Variants in NOXA1 observed in about 807,000 individuals in gnomAD.
NOXA1 encodes NADPH oxidase activator 1, also known as NCF2-like protein.
NOXA1 carries 56 observed loss-of-function variants against 64.8 expected under a neutral mutation model. The observed-to-expected ratio is 0.86, with a 90% CI of 0.70 to 1.08. The LOEUF is 1.08. Among genes scored for constraint, NOXA1 ranks in the 50% least tolerant of loss-of-function variants. NOXA1 has a pLI of 0.00. For synonymous variants in NOXA1, 295 were observed against 294.8 expected (o/e 1.00, Z -0.01); for missense variants, 668 against 658.5 (o/e 1.01, Z -0.16).
Position 137,434,207 on chromosome 9 carries a change from C to T in NOXA1, c.1295-17C>T, listed in dbSNP as rs142568278. The T allele has an allele frequency of 4.9e-4, 782 of 1,602,598 alleles. 4 individuals carry two copies. The African/African-American group carries it at 8.6e-3, about 18-fold the overall frequency. On this transcript the variant is annotated splice_polypyrimidine_tract_variant and intron_variant, in intron 13 of 13. Transcript: ENST00000683555. ...CGCCTGGGTAACGCCCTGCAGAGCC[C>T]GATGTCCCCCTTGCAGTGGACCAGG...
chr9:137,423,716 G>C lies in NOXA1; in HGVS notation c.177+10G>C. 1 of 1,270,348 alleles carries C rather than the reference G, an allele frequency of 7.9e-7. No homozygotes were observed. 78.7% of individuals were successfully genotyped at this position (1,270,348 alleles called of 1,614,324 possible). A position where few individuals can be genotyped will look rare whatever the true frequency, so the allele number is the denominator to read the frequency against. On this transcript the variant is annotated intron_variant, in intron 1 of 13. Transcript: ENST00000683555. ...CGAGGCCGCGCTGCGGGTGAGCGGGGCGTGGGGAGGCCGGTGCGGGCGACG... is the reference window on the plus strand; with the variant it reads ...CGAGGCCGCGCTGCGGGTGAGCGGGCCGTGGGGAGGCCGGTGCGGGCGACG...
chr9:137,423,593 G>A lies in NOXA1; in HGVS notation c.64G>A (p.Asp22Asn). The A allele has an allele frequency of 6.8e-7, 1 of 1,480,548 alleles. No individual in the cohort carries two copies. Among genetic ancestry groups the A allele is most frequent in the Non-Finnish European group, 9.0e-7 (1 of 1,116,398 alleles). 91.7% of individuals were successfully genotyped at this position (1,480,548 alleles called of 1,614,324 possible). Reference protein sequence around the residue: ...HLGAQAVDRGDWARALHLFSG... With the variant: ...HLGAQAVDRGNWARALHLFSG... ...GGGCGCGCAGGCTGTGGATCGTGGGGACTGGGCCCGCGCCTTGCACCTCTT... is the reference window on the plus strand; with the variant it reads ...GGGCGCGCAGGCTGTGGATCGTGGGAACTGGGCCCGCGCCTTGCACCTCTT... The change falls in exon 1 of 14, where the codon GAC becomes AAC. Residue 22 changes from aspartate to asparagine, a missense_variant. Transcript: ENST00000683555.
intron 2 of NOXA1, among the ~76,000 whole-genome samples, chr9:137,426,987 G>T (rs1014611977): frequency 1.3e-5 from 2 of 152,012 alleles, no homozygotes; most frequent in African/African-American, 4.8e-5. Flanking sequence ...AGTAGAGACT[G>T]GGCATCACCA....
At position 137,429,357 on chromosome 9, in the gene NOXA1, C is replaced by T; in HGVS notation, c.586C>T (p.Pro196Ser). 6.3e-7 allele frequency: 1 copy of T among 1,583,240 alleles called. No individual in the cohort carries two copies. The highest frequency in any genetic ancestry group is 1.2e-5 in the South Asian group (1 of 86,394). ...CCGGTGGCACCTGAAGCACTTGGAG[C>T]CCGTGGATTTCCTGGGCAAGGCCAA... The part of the protein sequence containing the change: ...PHRWHLKHLE[P>S]VDFLGKAKVV... Residue 196 changes from proline to serine, a missense_variant, in exon 5 of 14, where the codon CCC (proline) becomes TCC (serine). Coordinates refer to ENST00000683555, the MANE Select transcript of NOXA1 (RefSeq NM_001256067.2).
intron 2 of NOXA1, 128 bp downstream of exon 2, chr9:137,426,458 C>T (rs970887392): frequency 1.2e-6 from 1 of 831,078 alleles, no homozygotes; most frequent in East Asian, 2.7e-5. Flanking sequence ...TCCATGGTTC[C>T]TGGCTCCAGG....
In NOXA1 at chr9:137,431,946, T is replaced by C. The variant is rs886172869; in HGVS notation, c.804+605T>C. Among the ~76,000 whole-genome samples, 2 of 152,114 alleles carry C rather than the reference T, an allele frequency of 1.3e-5. No individual in the cohort carries two copies. The highest frequency in any genetic ancestry group is 2.9e-5 in the Non-Finnish European group (2 of 68,004). ...ATCAGGAAGCAGCCCCGGCACTCTC[T>C]CTTTATGGATGCCCACTTCCAGTTT... On this transcript the variant is annotated intron_variant, in intron 8 of 13. Transcript: ENST00000683555. The surrounding 1 kb of genome is among the most constrained non-coding windows in gnomAD (Gnocchi z 5.6).
intron 1 of NOXA1, 143 bp downstream of exon 1, chr9:137,423,849 G>A (rs1838692965): frequency 1.4e-6 from 1 of 693,524 alleles, no homozygotes; most frequent in Non-Finnish European, 2.0e-6. Flanking sequence ...GAGCCGAGCA[G>A]GGGGGCCGCA....
rs1838990314 is a variant in NOXA1, at chr9:137,429,372, G to T, written c.601G>T (p.Gly201Cys). 5 of 1,578,216 alleles carry T rather than the reference G, an allele frequency of 3.2e-6. No homozygotes were observed. The highest frequency in any genetic ancestry group is 4.3e-6 in the Non-Finnish European group (5 of 1,162,830). ...LKHLEPVDFL[G>C]KAKVVASAIP... is the part of the protein sequence containing the mutation. ...GCACTTGGAGCCCGTGGATTTCCTG[G>T]GCAAGGCCAAGGTAAAGGTGGGGAC... Residue 201 changes from glycine (G) to cysteine (C), a missense_variant, in exon 5 of 14, where the codon GGC (glycine) becomes TGC (cysteine). By Grantham distance (159) the Gly-to-Cys change is radical (BLOSUM62 -3). Transcript: ENST00000683555.
chr9:137,428,509 C>G (rs1838938045), intron 3 of NOXA1, among the ~76,000 whole-genome samples: 1 of 151,858 alleles, frequency 6.6e-6, no homozygotes, highest in East Asian at 1.9e-4. Context: ...CCACCAGACC[C>G]CGGAAATGCA....
chr9:137,430,886 C>T, intron 6 of NOXA1, 43 bp downstream of exon 6: 1 of 1,551,180 alleles, frequency 6.4e-7, no homozygotes, highest in Non-Finnish European at 8.7e-7. Flanking sequence ...CCTCACCCAG[C>T]TTTCTGGGAA....
rs1464408028 is a variant in NOXA1 at position 137,433,438 on chromosome 9, C to T, written c.910-15C>T. On this transcript the variant is annotated splice_polypyrimidine_tract_variant and intron_variant, in intron 10 of 13. Coordinates refer to ENST00000683555, the MANE Select transcript of NOXA1 (RefSeq NM_001256067.2). ...GGCCTCAGCGACCACCCCTCCCCCT[C>T]CTGCCTGGACCCAGGGAGCAGGTGC... 4.4e-6 allele frequency: 7 copies of T among 1,589,250 alleles called. No individual in the cohort carries two copies. The African/African-American group carries it at 9.4e-5, about 21-fold the overall frequency.
chr9:137,426,152 C>T (rs1564235011), intron 1 of NOXA1, 96 bp from the exon 2 acceptor site: 29 of 1,149,964 alleles, frequency 2.5e-5, no homozygotes, highest in Admixed American at 3.4e-5. Context: ...CAGGGGCTGA[C>T]GGAATTCCGT....
Position 137,431,736 on chromosome 9 carries a change from T to C in NOXA1, c.804+395T>C. Among the ~76,000 whole-genome samples the C allele has an allele frequency of 6.6e-6, 1 of 151,978 alleles. No individual in the cohort carries two copies. The highest frequency in any genetic ancestry group is 1.9e-4 in the East Asian group (1 of 5,186). On this transcript the variant is annotated intron_variant, in intron 8 of 13. Transcript: ENST00000683555. The surrounding 1 kb of genome is among the most constrained non-coding windows in gnomAD (Gnocchi z 5.6). ...GGGGCCCCAAGGCTCCCGCCCCCCA[T>C]GGGGGCCCAGCAGCGACTCCATCCC...
At position 137,429,012 on chromosome 9, in the gene NOXA1, T is replaced by G. The variant is rs1838969944; in HGVS notation, c.500T>G (p.Val167Gly). 1 of 1,563,182 alleles carries G rather than the reference T, an allele frequency of 6.4e-7. No homozygotes were observed. The change falls in exon 4 of 14, where the codon GTG (valine) becomes GGG (glycine). Residue 167 changes from valine (V) to glycine (G), a missense_variant. Physicochemically the swap from Val to Gly is moderately radical, Grantham distance 109 (BLOSUM62 -3). Transcript: ENST00000683555. ...LNGLDSALDQ[V>G]QRRGSLPPRQ... ...GGCCTGGACTCAGCCCTGGACCAAG[T>G]GCAGGTGAGGAGTGCCAGCCCGGTC... is the stretch of plus-strand genomic sequence containing the variant.
chr9:137,434,181 A>C, intron 13 of NOXA1, 43 bp from the exon 14 acceptor site: 1 of 1,587,128 alleles, frequency 6.3e-7, no homozygotes. Context: ...CCCAGAGGCC[A>C]CGCCTGGGTA....
Position 137,429,022 on chromosome 9 carries a change from G to T in NOXA1, c.504+6G>T. The T allele has an allele frequency of 1.3e-6, 2 of 1,550,548 alleles. No homozygotes were observed. The highest frequency in any genetic ancestry group is 2.4e-5 in the South Asian group (2 of 82,300). On this transcript the variant is annotated splice_donor_region_variant and intron_variant, in intron 4 of 13. Transcript: ENST00000683555. The stretch of plus-strand genomic sequence containing the variant: ...CAGCCCTGGACCAAGTGCAGGTGAG[G>T]AGTGCCAGCCCGGTCATGGTTTTGG...
intron 2 of NOXA1, 119 bp downstream of exon 2, chr9:137,426,449 C>G: frequency 2.3e-6 from 2 of 884,010 alleles, no homozygotes; most frequent in Non-Finnish European, 3.7e-6. Context: ...ACCCCCTCCT[C>G]CATGGTTCCT....
rs540222964 is a variant in NOXA1, at chr9:137,431,167, G to A, written c.698+67G>A. 1 of 1,611,190 alleles carries A rather than the reference G, an allele frequency of 6.2e-7. No homozygotes were observed. The highest frequency in any genetic ancestry group is 8.5e-7 in the Non-Finnish European group (1 of 1,178,728). The stretch of plus-strand genomic sequence containing the variant: ...TGCTGGGCAGAGGCCCTCCACATGG[G>A]GCCACGCGGGCCGGGCACAGGAGGG... On this transcript the variant is annotated intron_variant, in intron 7 of 13. Transcript: ENST00000683555. This position sits in a 1 kb window ranked among gnomAD's most constrained non-coding sequence, Gnocchi z 5.6.
rs536465376 is a variant in NOXA1 at position 137,433,836 on chromosome 9, G to A, written c.1151G>A (p.Cys384Tyr). 17 of 1,450,772 alleles carry A rather than the reference G, an allele frequency of 1.2e-5. No individual in the cohort carries two copies. Among genetic ancestry groups the A allele is most frequent in the Middle Eastern group, 2.0e-4 (1 of 4,940 alleles). The allele number at this position is 1,450,772 out of a possible 1,614,324, so 89.9% of individuals were successfully genotyped here. A position where few individuals can be genotyped will look rare whatever the true frequency, so the allele number is the denominator to read the frequency against. ...AGGGCCTGGCAGGACGCAGCTGCCT[G>A]CCCCAGGGGGCTGCAGCTGCAGTGC... ...LQRAWQDAAACPRGLQLQCRG... is the reference protein window; with the variant it reads ...LQRAWQDAAAYPRGLQLQCRG... The change falls in exon 12 of 14, where the codon TGC becomes TAC. Residue 384 changes from cysteine to tyrosine, a missense_variant. Coordinates refer to ENST00000683555, the MANE Select transcript of NOXA1 (RefSeq NM_001256067.2).
Sources: allele counts gnomAD v4.1 joint callset (sites outside exome capture counted in the v4.1 genomes callset), GRCh38; gene constraint gnomAD v4.1.1; non-coding constraint Gnocchi (gnomAD v3.1); transcripts MANE v1.5; gene names NCBI Gene and HGNC (gene_info 2026-07-23, HGNC 2026-07-21).